The following KIFAP3 variants were observed in gnomAD, a reference collection of about 807,000 sequenced individuals.
KIFAP3 encodes kinesin associated protein 3, also known as kinesin-associated protein 3.
A neutral mutation model predicts 106.5 loss-of-function variants in KIFAP3; 68 were observed. The ratio of observed to expected loss-of-function variants is 0.64; its 90% confidence interval spans 0.53 to 0.78. The LOEUF (loss-of-function observed/expected upper bound fraction) is 0.78, where lower values mean the gene tolerates loss of function less well. Among genes scored for constraint, KIFAP3 ranks in the 30% least tolerant of loss-of-function variants. The pLI is 0.00. For missense variants in KIFAP3, 780 were observed against 941.8 expected, an observed-to-expected ratio of 0.83 and a Z score of 2.25; for synonymous variants, 320 against 311.5, an observed-to-expected ratio of 1.03 and a Z score of -0.29.
intron 1 of KIFAP3, chr1:170,069,043 G>A (rs1297492808): frequency 6.6e-6 from 1 of 152,074 alleles, no homozygotes; most frequent in East Asian, 1.9e-4. Context: ...ATGAAAGTGG[G>A]ACATTACTGC....
intron 16 of KIFAP3, among the ~76,000 whole-genome samples, chr1:169,977,455 T>C (rs1666280102): frequency 1.3e-5 from 2 of 152,190 alleles, no homozygotes. Context: ...GGTCTTTTTA[T>C]TTTAATATTA....
chr1:169,988,889 T>C (rs1666967150), intron 11 of KIFAP3, among the ~76,000 whole-genome samples: 1 of 151,964 alleles, frequency 6.6e-6, no homozygotes, highest in African/African-American at 2.4e-5. Flanking sequence ...TATAGAAGCT[T>C]TGGGATGTTT....
chr1:170,040,673 A>C (rs945953150), intron 3 of KIFAP3, among the ~76,000 whole-genome samples: 1 of 152,104 alleles, frequency 6.6e-6, no homozygotes, highest in Non-Finnish European at 1.5e-5. Context: ...GGACTATGCG[A>C]TCTCTCACCA....
chr1:170,034,544 G>A, intron 6 of KIFAP3, 48 bp from the exon 7 acceptor site: 2 of 1,086,926 alleles, frequency 1.8e-6, no homozygotes, highest in Non-Finnish European at 2.6e-6. Context: ...ACATTTTATG[G>A]GTACAGGAAA....
At chr1:170,004,476 C>T (rs1379555046) in intron 10 of KIFAP3, among the ~76,000 whole-genome samples, 1 of 150,880 alleles carries the variant, frequency 6.6e-6, no homozygotes, top group Admixed American at 6.6e-5. Context: ...GCTACAGTAA[C>T]GAAAACAGCA....
At chr1:170,055,696 GA>G (rs968487057) in intron 1 of KIFAP3, among the ~76,000 whole-genome samples, 6 of 151,352 alleles carry the variant, frequency 4.0e-5, no homozygotes, top group Admixed American at 1.3e-4. Flanking sequence ...TTCTACCTAA[GA>G]AAAAAAATAC....
chr1:170,006,023 G>A (rs115815365), intron 10 of KIFAP3, among the ~76,000 whole-genome samples: 2,797 of 151,980 alleles, frequency 0.018, 70 homozygotes, highest in African/African-American at 0.063. Context: ...ATTTGTATAC[G>A]ACTTTCTAGT....
intron 19 of KIFAP3, among the ~76,000 whole-genome samples, chr1:169,933,517 G>A (rs1278772009): frequency 6.6e-6 from 1 of 151,970 alleles, no homozygotes; most frequent in East Asian, 1.9e-4. Flanking sequence ...TGATGATGAA[G>A]CATGGTATTT....
rs1671847303 is a variant in KIFAP3 at position 170,074,516 on chromosome 1, G to A, written c.-49C>T. ...GAGGATGGGGTATCTTGAGAGGCAGGCGCGGTTATTTCCGGGGACGGTGGC... is the reference window on the plus strand; with the variant it reads ...GAGGATGGGGTATCTTGAGAGGCAGACGCGGTTATTTCCGGGGACGGTGGC... On this transcript the variant is annotated 5_prime_UTR_variant, in exon 1 of 20. Transcript: ENST00000361580. The A allele has an allele frequency of 6.2e-7, 1 of 1,613,048 alleles. No individual in the cohort carries two copies. Among genetic ancestry groups the A allele is most frequent in the Non-Finnish European group, 8.5e-7 (1 of 1,179,644 alleles).
intron 4 of KIFAP3, among the ~76,000 whole-genome samples, chr1:170,038,740 A>C (rs1669818229): frequency 6.6e-6 from 1 of 152,224 alleles, no homozygotes; most frequent in South Asian, 2.1e-4. Flanking sequence ...ACGTATTACA[A>C]TAAGAATATG....
intron 8 of KIFAP3, among the ~76,000 whole-genome samples, chr1:170,027,442 C>T (rs916528248): frequency 6.6e-5 from 10 of 152,082 alleles, no homozygotes; most frequent in South Asian, 2.1e-4. Context: ...ATTATAAAAA[C>T]GGAACATTAT....
At chr1:170,029,585 A>C (rs530803200) in intron 8 of KIFAP3, among the ~76,000 whole-genome samples, 73 of 151,546 alleles carry the variant, frequency 4.8e-4, no homozygotes, top group African/African-American at 1.7e-3. Context: ...GCTTCCACTT[A>C]AACAACAACA....
At chr1:169,981,009 G>A (rs2474697) in intron 15 of KIFAP3, among the ~76,000 whole-genome samples, 142,337 of 151,942 alleles carry the variant, frequency 0.94, 66,750 homozygotes, top group East Asian at 1. Flanking sequence ...GCTGAGGCAG[G>A]AGAATCGCTT....
At chr1:169,925,117 C>T (rs1307713223) in intron 19 of KIFAP3, among the ~76,000 whole-genome samples, 3 of 152,128 alleles carry the variant, frequency 2.0e-5, no homozygotes, top group African/African-American at 7.2e-5. Context: ...CTTCTTGCTA[C>T]TCCTAACCCA....
At chr1:169,928,627 G>A (rs1270187010) in intron 19 of KIFAP3, among the ~76,000 whole-genome samples, 1 of 139,232 alleles carries the variant, frequency 7.2e-6, no homozygotes, top group Non-Finnish European at 1.5e-5. Flanking sequence ...AGCCCAGGAG[G>A]TTGAGGCTGC....
chr1:169,984,031 A>G (rs1447390795), intron 12 of KIFAP3, among the ~76,000 whole-genome samples: 1 of 151,890 alleles, frequency 6.6e-6, no homozygotes, highest in Non-Finnish European at 1.5e-5. Flanking sequence ...TGATATATAG[A>G]CAATCACATT....
intron 18 of KIFAP3, among the ~76,000 whole-genome samples, chr1:169,955,746 C>G (rs1013245178): frequency 1.3e-5 from 2 of 152,060 alleles, no homozygotes; most frequent in Admixed American, 6.5e-5. Context: ...TGTCCTATTA[C>G]TTTACTAATT....
At chr1:169,965,172 C>A (rs1273563927) in intron 17 of KIFAP3, among the ~76,000 whole-genome samples, 1 of 152,042 alleles carries the variant, frequency 6.6e-6, no homozygotes, top group Non-Finnish European at 1.5e-5. Flanking sequence ...ACATTAAATA[C>A]AGAACTAATT....
intron 2 of KIFAP3, among the ~76,000 whole-genome samples, chr1:170,054,404 T>C (rs946143190): frequency 5.9e-5 from 9 of 152,212 alleles, no homozygotes; most frequent in African/African-American, 2.2e-4. Flanking sequence ...GGTGTGGCGA[T>C]TCCTCAAGGA....
Sources: gnomAD v4.1 joint callset for allele counts (sites outside exome capture counted in the v4.1 genomes callset) on GRCh38, gnomAD v4.1.1 for gene constraint, MANE v1.5 for transcripts, NCBI Gene and HGNC (gene_info 2026-07-23, HGNC 2026-07-21) for gene names.